The following ODF2L variants were observed in gnomAD, a reference collection of about 807,000 sequenced individuals.
The protein encoded by ODF2L is outer dense fiber of sperm tails 2 like.
Under a neutral mutation model 86.3 loss-of-function variants are expected in ODF2L, and 76 were observed. That is an observed-to-expected ratio of 0.88 (90% CI 0.73 to 1.07). The LOEUF (loss-of-function observed/expected upper bound fraction) is 1.07. Among genes scored for constraint, ODF2L ranks in the 50% least tolerant of loss-of-function variants. ODF2L has a pLI of 0.00. For missense variants in ODF2L, 748 were observed against 717.4 expected (o/e 1.04, Z -0.49); for synonymous variants, 241 against 231.3 (o/e 1.04, Z -0.38).
chr1:86,355,739 G>C (rs1658504167), intron 14 of ODF2L, among the ~76,000 whole-genome samples: 1 of 151,790 alleles, frequency 6.6e-6, no homozygotes. Context: ...GTGTCCACGT[G>C]TTCTCATCAT....
chr1:86,358,826 AT>A lies in ODF2L; in HGVS notation c.1319del (p.Asn440IlefsTer4). On this transcript the variant is annotated frameshift_variant, in exon 13 of 18. Coordinates refer to ENST00000317336, the Ensembl canonical transcript of ODF2L. LOFTEE classifies it high-confidence loss of function. ...TATTTTTGGTTTTTGTTATTTGGTT[AT>A]TTTTATGTAGCAAATTTTCACATCT... is the stretch of plus-strand genomic sequence containing the variant. 3 of 1,539,506 alleles carry A rather than the reference AT, an allele frequency of 1.9e-6. No homozygotes were observed. The highest frequency in any genetic ancestry group is 1.3e-5 in the South Asian group (1 of 77,774).
At chr1:86,364,119 A>G (rs1392804236) in intron 11 of ODF2L, among the ~76,000 whole-genome samples, 1 of 152,210 alleles carries the variant, frequency 6.6e-6, no homozygotes, top group Non-Finnish European at 1.5e-5. Flanking sequence ...TTTATAGTCT[A>G]TATAATTTAA....
At chr1:86,373,541 T>C (rs943504890) in intron 8 of ODF2L, among the ~76,000 whole-genome samples, 1 of 150,138 alleles carries the variant, frequency 6.7e-6, no homozygotes, top group African/African-American at 2.4e-5. Flanking sequence ...CTACTCTATA[T>C]ATATGGTGTA....
At chr1:86,360,654 T>A (rs1342461948) in intron 11 of ODF2L, 118 bp from the exon 11 acceptor site, 2 of 510,330 alleles carry the variant, frequency 3.9e-6, no homozygotes, top group African/African-American at 4.0e-5. Flanking sequence ...AATTATTTTT[T>A]ATTTCATGCA....
chr1:86,354,653 C>T, exon 16 of ODF2L: 1 of 1,612,332 alleles, frequency 6.2e-7, no homozygotes, highest in South Asian at 1.1e-5. Context: ...CCAGCTTCTT[C>T]TCAAGCTCTT....
At chr1:86,380,964 AC>A (rs1215298385) in intron 7 of ODF2L, among the ~76,000 whole-genome samples, 11 of 151,778 alleles carry the variant, frequency 7.2e-5, no homozygotes, top group Non-Finnish European at 8.8e-5. Flanking sequence ...CAAAAAAAAA[AC>A]AACACAAAAA....
chr1:86,357,209 G>A (rs184959571), intron 13 of ODF2L, among the ~76,000 whole-genome samples: 10 of 152,164 alleles, frequency 6.6e-5, no homozygotes, highest in African/African-American at 2.4e-4. Flanking sequence ...CAGCACTTTC[G>A]TGGAGATGTG....
At chr1:86,354,380 T>C in intron 16 of ODF2L, 150 bp downstream of exon 15, 2 of 566,178 alleles carry the variant, frequency 3.5e-6, no homozygotes, top group Non-Finnish European at 6.2e-6. Context: ...CTGTTTTGCT[T>C]GAAAAGGAAG....
intron 1 of ODF2L, among the ~76,000 whole-genome samples, chr1:86,394,391 G>C (rs1028804256): frequency 1.3e-5 from 2 of 148,390 alleles, no homozygotes; most frequent in Non-Finnish European, 3.0e-5. Context: ...ACTCCACTGC[G>C]GCAGAGCGAG....
At chr1:86,364,638 C>T (rs1193154884) in intron 11 of ODF2L, among the ~76,000 whole-genome samples, 2 of 152,112 alleles carry the variant, frequency 1.3e-5, no homozygotes, top group Admixed American at 1.3e-4. Flanking sequence ...GGGGAGGCTC[C>T]TTAAAGGGGA....
intron 9 of ODF2L, among the ~76,000 whole-genome samples, chr1:86,371,404 T>C (rs1220652441): frequency 1.3e-5 from 2 of 152,190 alleles, no homozygotes; most frequent in Admixed American, 6.5e-5. Flanking sequence ...ACATGCTCTT[T>C]GCTATTCAAT....
chr1:86,376,154 T>A (rs868337637), intron 8 of ODF2L, 79 bp downstream of exon 8: 2 of 734,372 alleles, frequency 2.7e-6, no homozygotes, highest in Non-Finnish European at 4.3e-6. Context: ...AAAATTACTA[T>A]ATTAAGCATC....
chr1:86,348,936 CAG>C, downstream of ODF2L: 2 of 1,484,644 alleles, frequency 1.3e-6, no homozygotes, highest in Admixed American at 2.7e-5. Flanking sequence ...TCCAAAGGAC[CAG>C]AGTCATAATA....
intron 11 of ODF2L, among the ~76,000 whole-genome samples, chr1:86,362,616 C>A (rs551118434): frequency 6.6e-6 from 1 of 152,120 alleles, no homozygotes; most frequent in East Asian, 1.9e-4. Flanking sequence ...GTGAAGGACA[C>A]GTCAGAACTC....
intron 14 of ODF2L, chr1:86,355,162 G>C (rs890566249): frequency 1.8e-6 from 1 of 540,632 alleles, no homozygotes; most frequent in East Asian, 3.0e-5. Context: ...TTGTTAAGTT[G>C]AAATAGGAAA....
rs1287728744 is a variant in ODF2L at position 86,372,471 on chromosome 1, CT to C, written c.879del (p.Ile293MetfsTer13). Reference sequence around the variant, plus strand: ...ATCTGTACTTCCAATTCGGTTTTTTCTATCACAATTTTCTCATAATGACTTT... The same window carrying C: ...ATCTGTACTTCCAATTCGGTTTTTTCATCACAATTTTCTCATAATGACTTT... On this transcript the variant is annotated frameshift_variant, in exon 9 of 18. Transcript: ENST00000317336. LOFTEE classifies it high-confidence loss of function. 2 of 1,519,002 alleles carry C rather than the reference CT, an allele frequency of 1.3e-6. No individual in the cohort carries two copies. Among genetic ancestry groups the C allele is most frequent in the Non-Finnish European group, 1.8e-6 (2 of 1,138,128 alleles). The allele number at this position is 1,519,002 out of a possible 1,614,324, so 94.1% of individuals were successfully genotyped here.
rs542027689 is a variant in ODF2L, at chr1:86,358,698, A to G, written c.1359+89T>C. On this transcript the variant is annotated intron_variant, in intron 13 of 17. Coordinates refer to ENST00000317336, the Ensembl canonical transcript of ODF2L. ...ACTAGCCCTTTCCTAAGTATGAACT[A>G]GAGAAAATGACCAAAATGAATGAAT... The G allele has an allele frequency of 3.0e-5, 16 of 526,362 alleles. No individual in the cohort carries two copies. The South Asian group carries it at 5.5e-4, about 18-fold the overall frequency. 32.6% of individuals were successfully genotyped at this position (526,362 alleles called of 1,614,324 possible).
intron 11 of ODF2L, among the ~76,000 whole-genome samples, chr1:86,367,941 G>A (rs1185336324): frequency 6.6e-6 from 1 of 152,184 alleles, no homozygotes; most frequent in Non-Finnish European, 1.5e-5. Context: ...GCAGGGGAAT[G>A]ATGTATAACA....
At chr1:86,347,179 T>C (rs149335351), downstream of ODF2L, 97 of 152,368 alleles carry the variant, frequency 6.4e-4, 1 homozygote, top group African/African-American at 2.3e-3. Flanking sequence ...ACAGCCATGG[T>C]AATTAATCCT....
Sources: gnomAD v4.1 joint callset for allele counts (sites outside exome capture counted in the v4.1 genomes callset) on GRCh38, gnomAD v4.1.1 for gene constraint, MANE v1.5 for transcripts, NCBI Gene and HGNC (gene_info 2026-07-23, HGNC 2026-07-21) for gene names.